The following CHST9 variants were observed in gnomAD, a reference collection of about 807,000 sequenced individuals.
CHST9 encodes the protein GalNAc-4-sulfotransferase 2.
Under a neutral mutation model 44.4 loss-of-function variants are expected in CHST9, and 41 were observed. The observed-to-expected ratio is 0.92, with a 90% CI of 0.72 to 1.20. CHST9 has a LOEUF of 1.20. Ranked by LOEUF, CHST9 falls within the 50% of genes most tolerant of loss-of-function variation. CHST9 has a pLI of 0.00. For synonymous variants in CHST9, 171 were observed against 178.4 expected, an observed-to-expected ratio of 0.96 and a Z score of 0.33; for missense variants, 504 against 516.5, an observed-to-expected ratio of 0.98 and a Z score of 0.23.
At chr18:27,121,822 G>T (rs568947975) in intron 2 of CHST9, among the ~76,000 whole-genome samples, 1 of 152,178 alleles carries the variant, frequency 6.6e-6, no homozygotes, top group African/African-American at 2.4e-5. Flanking sequence ...TACTGAGAAC[G>T]TCTCTCATCA....
At chr18:26,951,788 A>G (rs1165146611) in intron 4 of CHST9, among the ~76,000 whole-genome samples, 1 of 152,226 alleles carries the variant, frequency 6.6e-6, no homozygotes. Flanking sequence ...TGAAGCTACT[A>G]CTGCTGGAAG....
chr18:27,142,789 G>T lies in CHST9; in HGVS notation c.21C>A (p.Val7=). Residue 7 remains valine, a synonymous_variant, in exon 2 of 6, where the codon GTC becomes GTA. Coordinates refer to ENST00000618847, the MANE Select transcript of CHST9 (RefSeq NM_031422.6). MQPSEM[V]MNPKQVFLSV... is the part of the protein sequence containing the mutation. The stretch of plus-strand genomic sequence containing the variant: ...AGAGGAAGACTTGTTTGGGGTTCAT[G>T]ACCATTTCAGATGGCTGCATTTCTC... 1.9e-6 allele frequency: 3 copies of T among 1,609,940 alleles called. No individual in the cohort carries two copies. In the South Asian group the frequency reaches 3.3e-5, roughly 18 times the overall value.
intron 1 of CHST9, among the ~76,000 whole-genome samples, chr18:27,183,826 C>T (rs1420886270): frequency 1.3e-5 from 2 of 151,998 alleles, no homozygotes. Flanking sequence ...AAAACAATAG[C>T]ATTCACCTTA....
chr18:27,178,992 G>T (rs1286625264), intron 1 of CHST9, among the ~76,000 whole-genome samples: 2 of 151,554 alleles, frequency 1.3e-5, no homozygotes, highest in Non-Finnish European at 2.9e-5. Context: ...TTTTTTCAAA[G>T]CCTAAAATTA....
At chr18:27,117,150 A>G (rs1001690992) in intron 2 of CHST9, among the ~76,000 whole-genome samples, 4 of 152,156 alleles carry the variant, frequency 2.6e-5, no homozygotes, top group African/African-American at 9.6e-5. Flanking sequence ...AAGAAGATGT[A>G]TGTTATATTT....
chr18:27,126,982 G>A (rs1378496088), intron 2 of CHST9, among the ~76,000 whole-genome samples: 2 of 152,142 alleles, frequency 1.3e-5, no homozygotes, highest in African/African-American at 4.8e-5. Flanking sequence ...AGAGGAAACT[G>A]GAGGCATCAT....
chr18:27,154,628 C>G (rs1408924174), intron 1 of CHST9, among the ~76,000 whole-genome samples: 1 of 152,136 alleles, frequency 6.6e-6, no homozygotes, highest in Middle Eastern at 3.4e-3. Context: ...AGATTATAGT[C>G]CAATATAAAA....
At chr18:27,107,730 A>AC (rs1197635953) in intron 2 of CHST9, among the ~76,000 whole-genome samples, 4 of 152,200 alleles carry the variant, frequency 2.6e-5, no homozygotes, top group Admixed American at 2.6e-4. Context: ...AGAGATAGCC[A>AC]CAACTTTTCT....
At chr18:26,954,157 T>C (rs1056428261) in intron 4 of CHST9, among the ~76,000 whole-genome samples, 7 of 152,042 alleles carry the variant, frequency 4.6e-5, no homozygotes, top group African/African-American at 1.7e-4. Context: ...CAGGGCAGAT[T>C]TGGTCATTCA....
Position 26,985,876 on chromosome 18 carries a change from G to A in CHST9, c.202+38240C>T, listed in dbSNP as rs116473915. On this transcript the variant is annotated intron_variant, in intron 4 of 5. Coordinates refer to ENST00000618847, the MANE Select transcript of CHST9 (RefSeq NM_031422.6). The stretch of plus-strand genomic sequence containing the variant: ...AGATGCAAAAATCTTCCCAATGTTC[G>A]AGAAGGTCCTGCCTCAGTGTTAATT... 3.5e-3 allele frequency among the ~76,000 whole-genome samples: 534 copies of A among 152,276 alleles called. 4 individuals carry two copies. Among genetic ancestry groups the A allele is most frequent in the African/African-American group, 0.011 (476 of 41,566 alleles).
chr18:27,049,324 G>C (rs1315984830), intron 2 of CHST9, among the ~76,000 whole-genome samples: 2 of 152,042 alleles, frequency 1.3e-5, no homozygotes, highest in Non-Finnish European at 2.9e-5. Context: ...AGGTGACTTT[G>C]GGTATAGAGA....
At chr18:26,980,174 A>C (rs1204957383) in intron 4 of CHST9, among the ~76,000 whole-genome samples, 1 of 152,104 alleles carries the variant, frequency 6.6e-6, no homozygotes, top group African/African-American at 2.4e-5. Flanking sequence ...GCTTCTATAT[A>C]ACCCTTCACT....
At chr18:27,015,243 C>A (rs2057137596) in intron 4 of CHST9, among the ~76,000 whole-genome samples, 1 of 152,022 alleles carries the variant, frequency 6.6e-6, no homozygotes, top group African/African-American at 2.4e-5. Context: ...ATTAGACATC[C>A]TGGCACATTT....
intron 2 of CHST9, among the ~76,000 whole-genome samples, chr18:27,087,863 T>G (rs1323269601): frequency 6.6e-6 from 1 of 152,202 alleles, no homozygotes; most frequent in East Asian, 1.9e-4. Context: ...GTACACTTGT[T>G]GGTCCTAGAC....
chr18:27,160,843 T>G (rs908655106), intron 1 of CHST9, among the ~76,000 whole-genome samples: 8 of 152,030 alleles, frequency 5.3e-5, no homozygotes, highest in Non-Finnish European at 8.8e-5. Context: ...TCTTGGGAGG[T>G]TGTATGTGTC....
chr18:27,065,027 G>GC (rs2057765824), intron 2 of CHST9, among the ~76,000 whole-genome samples: 1 of 152,276 alleles, frequency 6.6e-6, no homozygotes, highest in African/African-American at 2.4e-5. Flanking sequence ...AACAGCCGTC[G>GC]CCTGAAGCTT....
intron 1 of CHST9, among the ~76,000 whole-genome samples, chr18:27,177,824 G>C (rs1039379414): frequency 6.6e-6 from 1 of 151,868 alleles, no homozygotes; most frequent in Admixed American, 6.6e-5. Context: ...AGGAAGGAGG[G>C]TTTTACTTCC....
At chr18:27,101,493 T>G (rs1003329815) in intron 2 of CHST9, among the ~76,000 whole-genome samples, 68 of 44,588 alleles carry the variant, frequency 1.5e-3, no homozygotes, top group Non-Finnish European at 1.9e-3. Flanking sequence ...CTGGCGGGGG[T>G]GAGGGTGGGC....
At position 27,017,128 on chromosome 18, in the gene CHST9, T is replaced by C. The variant is rs1414997483; in HGVS notation, c.202+6988A>G. 6.6e-5 allele frequency among the ~76,000 whole-genome samples: 10 copies of C among 152,366 alleles called. No individual in the cohort carries two copies. The East Asian group carries it at 1.9e-3, about 29-fold the overall frequency. Reference sequence around the variant, plus strand: ...CACTCAAATTTCTATTTCTACTTTATATTTCTCAGAAAAAAGAGAGTAAAC... The same window carrying C: ...CACTCAAATTTCTATTTCTACTTTACATTTCTCAGAAAAAAGAGAGTAAAC... On this transcript the variant is annotated intron_variant, in intron 4 of 5. Coordinates refer to ENST00000618847, the MANE Select transcript of CHST9 (RefSeq NM_031422.6).
Sources: allele counts gnomAD v4.1 joint callset (sites outside exome capture counted in the v4.1 genomes callset), GRCh38; gene constraint gnomAD v4.1.1; transcripts MANE v1.5; gene names NCBI Gene and HGNC (gene_info 2026-07-23, HGNC 2026-07-21).